Variants in ARSF observed in about 807,000 individuals in gnomAD.
The protein encoded by ARSF is arylsulfatase F.
Under a neutral mutation model 35.4 loss-of-function variants are expected in ARSF, and 33 were observed. The ratio of observed to expected loss-of-function variants is 0.93; its 90% CI spans 0.71 to 1.25. ARSF has a LOEUF of 1.25. Among genes scored for constraint, ARSF ranks in the 50% most tolerant of loss-of-function variants. The probability of loss-of-function intolerance (pLI) is 0.00; values close to 1 mark genes in which losing one functional copy is unlikely to be tolerated. For synonymous variants in ARSF, 222 were observed against 193.1 expected, an observed-to-expected ratio of 1.15 and a Z score of -1.24; for missense variants, 501 against 480.2, an observed-to-expected ratio of 1.04 and a Z score of -0.40.
rs775127143 is a variant in ARSF, at chrX:3,071,604, G to A, written c.12-422G>A. Among the ~76,000 whole-genome samples the A allele has an allele frequency of 5.6e-4, 62 of 110,750 alleles. 1 individual carries two copies. Among genetic ancestry groups the A allele is most frequent in the African/African-American group, 2.0e-3 (60 of 30,487 alleles). On this transcript the variant is annotated intron_variant, in intron 2 of 10. Coordinates refer to ENST00000381127, the MANE Select transcript of ARSF (RefSeq NM_001201539.2). ...CAGGTGTGAGCCACCACACCCGGCCGCAAGTGTCTTTTATATATAATGCCT... is the reference window on the plus strand; with the variant it reads ...CAGGTGTGAGCCACCACACCCGGCCACAAGTGTCTTTTATATATAATGCCT...
rs1471357206 is a variant in ARSF, at chrX:3,075,530, CTT to C, written c.162-1016_162-1015del. Among the ~76,000 whole-genome samples the C allele has an allele frequency of 4.7e-5, 5 of 107,427 alleles. No homozygotes were observed. The Admixed American group carries it at 5.0e-4, about 11-fold the overall frequency. 93.3% of individuals were successfully genotyped at this position (107,427 alleles called of 115,157 possible). The stretch of plus-strand genomic sequence containing the variant: ...TCTCTGTCTCTCTCTGTCTCCCTCT[CTT>C]TGTCTGCCTGTCTCTCTATCTCTCT... On this transcript the variant is annotated intron_variant, in intron 3 of 10. Coordinates refer to ENST00000381127, the MANE Select transcript of ARSF (RefSeq NM_001201539.2).
rs868599411 is a variant in ARSF at position 3,086,715 on chromosome X, G to C, written c.830+2049G>C. ...CATCAGTAGTCACAGCTACTCAGGA[G>C]GCTGAGGTGGGAGGATTAGTTGAGC... On this transcript the variant is annotated intron_variant, in intron 6 of 10. Transcript: ENST00000381127. 4.3e-4 allele frequency among the ~76,000 whole-genome samples: 48 copies of C among 111,684 alleles called. 1 individual carries two copies. In the Middle Eastern group the frequency reaches 0.018, roughly 43 times the overall value.
chrX:3,046,039 C>T (rs866603841), intron 1 of ARSF, among the ~76,000 whole-genome samples: 2 of 110,245 alleles, frequency 1.8e-5, no homozygotes, highest in Admixed American at 9.7e-5. Flanking sequence ...TGTGCCACCA[C>T]GCCTGGCTAA....
Position 3,112,656 on chromosome X carries a change from G to T in ARSF, c.*100G>T. 9.6e-7 allele frequency: 1 copy of T among 1,039,096 alleles called. No individual in the cohort carries two copies. The highest frequency in any genetic ancestry group is 1.2e-6 in the Non-Finnish European group (1 of 801,512). The allele number at this position is 1,039,096 out of a possible 1,213,427, so 85.6% of individuals were successfully genotyped here. A position where few individuals can be genotyped will look rare whatever the true frequency, so the allele number is the denominator to read the frequency against. ...CACTAACTTTGGTGCTTTCAAGTTG[G>T]CAAGGAGTGCATTTAATAGTCAATA... On this transcript the variant is annotated 3_prime_UTR_variant, in exon 11 of 11. Transcript: ENST00000381127.
chrX:3,093,777 G>C (rs1355671628), intron 7 of ARSF, among the ~76,000 whole-genome samples: 2 of 111,588 alleles, frequency 1.8e-5, no homozygotes, highest in Non-Finnish European at 3.8e-5. Flanking sequence ...CTGGGTCAGA[G>C]GGTAGTTCTG....
chrX:3,103,301 C>T (rs892838586), intron 8 of ARSF, among the ~76,000 whole-genome samples: 3 of 110,461 alleles, frequency 2.7e-5, no homozygotes, highest in African/African-American at 9.9e-5. Context: ...AGAAAAAACA[C>T]GAGAGTAAAG....
chrX:3,074,043 T>C (rs982008147), intron 3 of ARSF, among the ~76,000 whole-genome samples: 1 of 110,566 alleles, frequency 9.0e-6, no homozygotes, highest in South Asian at 3.8e-4. Flanking sequence ...GACTAATAGA[T>C]GCTGAAGGTA....
At chrX:3,093,079 T>C (rs1200804308) in intron 7 of ARSF, among the ~76,000 whole-genome samples, 1 of 110,225 alleles carries the variant, frequency 9.1e-6, no homozygotes, top group Non-Finnish European at 1.9e-5. Context: ...GGCAGGAGAA[T>C]GGCGTGAACC....
At chrX:3,101,879 G>C (rs763186843) in intron 8 of ARSF, among the ~76,000 whole-genome samples, 1 of 112,012 alleles carries the variant, frequency 8.9e-6, no homozygotes, top group East Asian at 2.8e-4. Context: ...AAAATGTCGA[G>C]TATATTTTAT....
intron 4 of ARSF, 96 bp from the exon 5 acceptor site, chrX:3,080,795 G>A: frequency 3.8e-6 from 4 of 1,041,328 alleles, no homozygotes; most frequent in African/African-American, 1.8e-5. Flanking sequence ...CCATTACCTT[G>A]CAGATGAGGA....
chrX:3,101,833 A>G (rs1377998), intron 8 of ARSF, among the ~76,000 whole-genome samples: 15,886 of 111,882 alleles, frequency 0.14, 884 homozygotes, highest in Middle Eastern at 0.21. Flanking sequence ...TGAAATGAGG[A>G]TTAAAAAAAG....
At chrX:3,099,378 G>A (rs1490608082) in intron 7 of ARSF, among the ~76,000 whole-genome samples, 1 of 111,419 alleles carries the variant, frequency 9.0e-6, no homozygotes, top group Non-Finnish European at 1.9e-5. Context: ...CTGGTCCATG[G>A]ATTTTCTTGT....
intron 2 of ARSF, 132 bp from the exon 3 acceptor site, chrX:3,071,894 A>G: frequency 1.6e-6 from 1 of 627,072 alleles, no homozygotes; most frequent in Non-Finnish European, 2.5e-6. Flanking sequence ...GGAGAGAGAC[A>G]CTCTTGAGCT....
chrX:3,097,841 A>T lies in ARSF; in HGVS notation c.968-3246A>T, dbSNP rs768842791. On this transcript the variant is annotated intron_variant, in intron 7 of 10. Transcript: ENST00000381127. ...AGGTCGGGAGTTCGAGACCAGCCTG[A>T]CCAACATGGAGAAATCCTGTCTCTA... Among the ~76,000 whole-genome samples, 7 of 110,707 alleles carry T rather than the reference A, an allele frequency of 6.3e-5. No homozygotes were observed. In the East Asian group the frequency reaches 2.0e-3, roughly 32 times the overall value.
rs957366663 is a variant in ARSF, at chrX:3,112,338, C to T, written c.1555C>T (p.Leu519=). The change falls in exon 11 of 11, where the codon CTG becomes TTG. Residue 519 remains leucine, a synonymous_variant. Transcript: ENST00000381127. ...CAGGGACCCCTCAGAGTCCACACCCCTGACACCTGCCACAGAGCCCCTCCA... is the reference window on the plus strand; with the variant it reads ...CAGGGACCCCTCAGAGTCCACACCCTTGACACCTGCCACAGAGCCCCTCCA... The part of the protein sequence containing the change: ...LSRDPSESTP[L]TPATEPLHDF... 8.3e-7 allele frequency: 1 copy of T among 1,211,515 alleles called. No homozygotes were observed. Among genetic ancestry groups the T allele is most frequent in the Non-Finnish European group, 1.1e-6 (1 of 895,463 alleles).
intron 9 of ARSF, among the ~76,000 whole-genome samples, chrX:3,108,535 T>A (rs1036207710): frequency 8.9e-6 from 1 of 111,979 alleles, no homozygotes; most frequent in Non-Finnish European, 1.9e-5. Context: ...TGCTTTCTCA[T>A]GTTATAGTAC....
intron 1 of ARSF, among the ~76,000 whole-genome samples, chrX:3,063,025 C>T (rs1471765296): frequency 8.9e-6 from 1 of 111,933 alleles, no homozygotes; most frequent in Non-Finnish European, 1.9e-5. Flanking sequence ...AGATCAATAT[C>T]CCTGATGAAC....
intron 1 of ARSF, among the ~76,000 whole-genome samples, chrX:3,053,791 C>T (rs1360939116): frequency 5.5e-5 from 5 of 90,194 alleles, no homozygotes; most frequent in African/African-American, 2.1e-4. Flanking sequence ...GGTGGAGTTT[C>T]GTTCTTGTCA....
At chrX:3,073,604 T>C (rs1200789133) in intron 3 of ARSF, among the ~76,000 whole-genome samples, 1 of 92,950 alleles carries the variant, frequency 1.1e-5, no homozygotes, top group Non-Finnish European at 2.2e-5. Context: ...TATAAATAAA[T>C]ATAATATAAA....
Sources: allele counts gnomAD v4.1 joint callset (sites outside exome capture counted in the v4.1 genomes callset), GRCh38; gene constraint gnomAD v4.1.1; transcripts MANE v1.5; gene names NCBI Gene and HGNC (gene_info 2026-07-23, HGNC 2026-07-21).